ACTR3C: variants seen among roughly 807,000 people sequenced by gnomAD.
The protein encoded by ACTR3C is actin-related protein 3C.
A neutral mutation model predicts 26.3 loss-of-function variants in ACTR3C; 18 were observed. The observed-to-expected ratio is 0.68, with a 90% confidence interval of 0.47 to 1.01. ACTR3C has a LOEUF of 1.01. Among genes scored for constraint, ACTR3C ranks in the 50% least tolerant of loss-of-function variants. The pLI, the probability that ACTR3C is intolerant of heterozygous loss-of-function variation, is 0.00. For synonymous variants in ACTR3C, 55 were observed against 94.5 expected (o/e 0.58, Z 2.42); for missense variants, 184 against 250.7 (o/e 0.73, Z 1.80).
At chr7:150,038,304 C>T in the ACTR3C span, among the ~76,000 whole-genome samples, 2 of 144,544 alleles carry the variant, frequency 1.4e-5, 1 homozygote, top group Non-Finnish European at 3.0e-5. Context: ...GGGCCTCAGC[C>T]AGGGCCCCAC....
chr7:150,131,965 C>T, the ACTR3C span, among the ~76,000 whole-genome samples: 1 of 152,180 alleles, frequency 6.6e-6, no homozygotes, highest in Non-Finnish European at 1.5e-5. Context: ...AAAGAGGACA[C>T]CATGTACGAT....
At chr7:150,227,688 G>GTGTTTTTTTTTTTTTTTTTTTTTT in the ACTR3C span, among the ~76,000 whole-genome samples, 14 of 111,378 alleles carry the variant, frequency 1.3e-4, no homozygotes, top group East Asian at 5.4e-4. Context: ...TTGTGTCTGG[G>GTGTTTTTTTTTTTTTTTTTTTTTT]TTTTTTTTTT....
At chr7:150,156,573 A>G in the ACTR3C span, among the ~76,000 whole-genome samples, 1 of 151,822 alleles carries the variant, frequency 6.6e-6, no homozygotes, top group African/African-American at 2.4e-5. Context: ...GAGAGAGAGG[A>G]GAAAGAGAGG....
chr7:150,308,076 C>T (rs2129614993), intron 1 of ACTR3C, among the ~76,000 whole-genome samples: 1 of 152,212 alleles, frequency 6.6e-6, no homozygotes, highest in South Asian at 2.1e-4. Context: ...GGGACGCCTG[C>T]CTGATTATTC....
chr7:150,288,719 T>C (rs1835972888), intron 4 of ACTR3C, among the ~76,000 whole-genome samples: 1 of 146,838 alleles, frequency 6.8e-6, no homozygotes, highest in African/African-American at 2.6e-5. Flanking sequence ...TCCCCTGAGA[T>C]GGAAGGGACC....
At chr7:150,314,858 G>A (rs529143285) in intron 1 of ACTR3C, among the ~76,000 whole-genome samples, 33 of 149,686 alleles carry the variant, frequency 2.2e-4, no homozygotes, top group African/African-American at 7.6e-4. Flanking sequence ...AGGCGGAGGC[G>A]AGCGGCTCAC....
chr7:150,219,667 C>T, the ACTR3C span, among the ~76,000 whole-genome samples: 3 of 138,976 alleles, frequency 2.2e-5, no homozygotes, highest in Non-Finnish European at 4.5e-5. Context: ...TGAGGTTCTG[C>T]CAGAATTCCT....
At chr7:150,062,591 T>C in the ACTR3C span, among the ~76,000 whole-genome samples, 1 of 150,742 alleles carries the variant, frequency 6.6e-6, no homozygotes, top group Non-Finnish European at 1.5e-5. Flanking sequence ...TTCTATTATA[T>C]GTAAGAACTG....
chr7:149,929,457 C>T, the ACTR3C span, among the ~76,000 whole-genome samples: 1 of 142,422 alleles, frequency 7.0e-6, no homozygotes, highest in African/African-American at 2.6e-5. Context: ...AAAGAGTCAC[C>T]AATGGATACT....
the ACTR3C span, among the ~76,000 whole-genome samples, chr7:150,017,497 C>T: frequency 6.7e-5 from 10 of 150,172 alleles, no homozygotes; most frequent in South Asian, 4.2e-4. Flanking sequence ...TAGAGCAGAG[C>T]GGGGCAAGAA....
the ACTR3C span, among the ~76,000 whole-genome samples, chr7:149,898,101 C>T: frequency 3.1e-4 from 47 of 152,222 alleles, no homozygotes; most frequent in Middle Eastern, 3.4e-3. Flanking sequence ...GAAGAAAGCA[C>T]GAGTGAAGTG....
chr7:150,197,312 C>T, the ACTR3C span, among the ~76,000 whole-genome samples: 2 of 152,232 alleles, frequency 1.3e-5, no homozygotes, highest in African/African-American at 4.8e-5. Flanking sequence ...CACCAACCCA[C>T]ACTTGACCTC....
the ACTR3C span, among the ~76,000 whole-genome samples, chr7:149,918,846 A>G: frequency 0.63 from 96,063 of 152,072 alleles, 30,656 homozygotes; most frequent in South Asian, 0.74. Context: ...GCAAGAGCTG[A>G]GAACGAGCCC....
the ACTR3C span, among the ~76,000 whole-genome samples, chr7:150,070,799 C>CT: frequency 0.061 from 8,148 of 134,110 alleles, 857 homozygotes; most frequent in African/African-American, 0.21. Flanking sequence ...TTTTTCTTTT[C>CT]TTTTTTTTTT....
intron 1 of ACTR3C, among the ~76,000 whole-genome samples, chr7:150,301,051 G>A (rs1795408305): frequency 6.6e-6 from 1 of 152,120 alleles, no homozygotes; most frequent in Admixed American, 6.5e-5. Context: ...CATTAAAAAT[G>A]AGTTAATACT....
the ACTR3C span, among the ~76,000 whole-genome samples, chr7:149,973,084 C>T: frequency 1.1e-4 from 16 of 151,646 alleles, no homozygotes; most frequent in Admixed American, 2.0e-4. Flanking sequence ...GTAAGCCCCA[C>T]GAGCGGGCAG....
the ACTR3C span, among the ~76,000 whole-genome samples, chr7:149,915,001 T>A: frequency 6.6e-6 from 1 of 151,720 alleles, no homozygotes. Context: ...TGCCTCAGCC[T>A]CCTGAGTAGC....
the ACTR3C span, among the ~76,000 whole-genome samples, chr7:149,918,987 G>A: frequency 6.6e-6 from 1 of 152,148 alleles, no homozygotes; most frequent in Admixed American, 6.5e-5. Flanking sequence ...ACCCTCTGCC[G>A]CCCCACACTG....
the ACTR3C span, among the ~76,000 whole-genome samples, chr7:150,110,718 G>A: frequency 6.7e-6 from 1 of 149,294 alleles, no homozygotes; most frequent in Non-Finnish European, 1.5e-5. Flanking sequence ...GACTGCCTGA[G>A]GGTGGGGCTT....
Sources: gnomAD v4.1 joint callset for allele counts (sites outside exome capture counted in the v4.1 genomes callset) on GRCh38, gnomAD v4.1.1 for gene constraint, MANE v1.5 for transcripts, NCBI Gene and HGNC (gene_info 2026-07-23, HGNC 2026-07-21) for gene names.